The following WDPCP variants were observed in gnomAD, a reference collection of about 807,000 sequenced individuals.
The protein encoded by WDPCP is WD repeat-containing and planar cell polarity effector protein fritz homolog.
WDPCP carries 71 observed loss-of-function variants against 93.1 expected under a neutral mutation model. The observed-to-expected ratio is 0.76, with a 90% confidence interval of 0.63 to 0.93. WDPCP has a LOEUF of 0.93. WDPCP is among the 40% of genes least tolerant of loss of function. WDPCP has a pLI of 0.00. For synonymous variants in WDPCP, 315 were observed against 315.0 expected (o/e 1.00, Z 0.00); for missense variants, 844 against 887.4 (o/e 0.95, Z 0.62).
upstream of WDPCP, among the ~76,000 whole-genome samples, chr2:63,831,808 C>T (rs1671206458): frequency 6.6e-6 from 1 of 152,046 alleles, no homozygotes; most frequent in African/African-American, 2.4e-5. Context: ...AGGAAAAGCA[C>T]ATCTCTAAGT....
intron 3 of WDPCP, chr2:63,605,180 C>A: frequency 1.3e-6 from 1 of 777,454 alleles, no homozygotes; most frequent in Non-Finnish European, 2.1e-6. Flanking sequence ...AAACATTAAG[C>A]TCTGGTCATA....
At chr2:63,396,898 A>G (rs1693772401) in intron 10 of WDPCP, among the ~76,000 whole-genome samples, 1 of 152,212 alleles carries the variant, frequency 6.6e-6, no homozygotes. Context: ...TCCCACTTAT[A>G]AGTAAGAACA....
chr2:63,340,657 G>A (rs145794782), intron 12 of WDPCP, among the ~76,000 whole-genome samples: 342 of 152,236 alleles, frequency 2.2e-3, no homozygotes, highest in Non-Finnish European at 3.5e-3. Flanking sequence ...GGCAGAATAG[G>A]AGTAAGGGGT....
At chr2:63,341,763 T>C (rs747672893) in intron 12 of WDPCP, among the ~76,000 whole-genome samples, 13 of 152,246 alleles carry the variant, frequency 8.5e-5, no homozygotes, top group Admixed American at 4.6e-4. Context: ...TGATGCATTT[T>C]CTCTTTCATC....
At chr2:63,626,433 T>G (rs998320811) in intron 3 of WDPCP, among the ~76,000 whole-genome samples, 1 of 152,202 alleles carries the variant, frequency 6.6e-6, no homozygotes, top group African/African-American at 2.4e-5. Context: ...ATTTGCAATC[T>G]ATCTATCTGA....
chr2:63,567,858 T>C (rs72806032), intron 1 of WDPCP, among the ~76,000 whole-genome samples: 32 of 152,338 alleles, frequency 2.1e-4, no homozygotes, highest in Non-Finnish European at 3.8e-4. Context: ...AGGCATCCAG[T>C]AGATATTAAA....
At chr2:63,788,428 C>T (rs999732416) in intron 2 of WDPCP, among the ~76,000 whole-genome samples, 2 of 152,162 alleles carry the variant, frequency 1.3e-5, no homozygotes, top group African/African-American at 4.8e-5. Context: ...ACATATGGTT[C>T]AGTACTTACA....
At chr2:63,293,455 T>A (rs1275144279) in intron 13 of WDPCP, among the ~76,000 whole-genome samples, 1 of 152,110 alleles carries the variant, frequency 6.6e-6, no homozygotes, top group African/African-American at 2.4e-5. Flanking sequence ...TAGATTCCAA[T>A]GTCCAGTTTT....
At chr2:63,420,577 T>C (rs970543276) in intron 9 of WDPCP, among the ~76,000 whole-genome samples, 14 of 151,706 alleles carry the variant, frequency 9.2e-5, no homozygotes, top group African/African-American at 3.4e-4. Context: ...TAGATAAAGT[T>C]AAGGCCTGCC....
chr2:63,180,227 C>T (rs1390698505), intron 14 of WDPCP, among the ~76,000 whole-genome samples: 2 of 152,066 alleles, frequency 1.3e-5, no homozygotes, highest in Non-Finnish European at 2.9e-5. Flanking sequence ...TTAAGGGGTA[C>T]AAGTGCAGTT....
At chr2:63,691,651 G>C (rs1668889344) in intron 2 of WDPCP, among the ~76,000 whole-genome samples, 1 of 152,032 alleles carries the variant, frequency 6.6e-6, no homozygotes, top group East Asian at 1.9e-4. Context: ...AAGAAAAAAA[G>C]AAAAAGAAGT....
Position 63,486,566 on chromosome 2 carries a change from C to T in WDPCP, c.229G>A (p.Glu77Lys), listed in dbSNP as rs1448313453. The T allele has an allele frequency of 1.3e-6, 2 of 1,577,382 alleles. No homozygotes were observed. Among genetic ancestry groups the T allele is most frequent in the South Asian group, 2.3e-5 (2 of 86,868 alleles). ...DPPATEHGNL[E>K]KKQKLAESRD... is the part of the protein sequence containing the mutation. ...CACTCTGCCAGCTTCTGCTTCTTTT[C>T]TAAGTTACCATGCTCTGTCGCTGAT... Residue 77 changes from glutamate (E) to lysine (K), a missense_variant, in exon 4 of 18, where the codon GAA becomes AAA. Physicochemically the swap from Glu to Lys is moderately conservative, Grantham distance 56 (BLOSUM62 1). Coordinates refer to ENST00000272321, the MANE Select transcript of WDPCP (RefSeq NM_015910.7).
intron 1 of WDPCP, among the ~76,000 whole-genome samples, 200 bp downstream of exon 1, chr2:63,587,997 G>T (rs570420707): frequency 7.2e-5 from 11 of 152,342 alleles, no homozygotes; most frequent in African/African-American, 1.9e-4. Flanking sequence ...CTCCATTTGG[G>T]GTCGGGGGTG....
At chr2:63,595,572 A>G in intron 3 of WDPCP, 1 of 1,192,108 alleles carries the variant, frequency 8.4e-7, no homozygotes, top group Non-Finnish European at 1.2e-6. Flanking sequence ...CTTACAAAAT[A>G]CAGGTTTTAG....
intron 2 of WDPCP, among the ~76,000 whole-genome samples, chr2:63,675,195 C>T (rs547209985): frequency 6.6e-5 from 10 of 152,272 alleles, no homozygotes; most frequent in South Asian, 2.1e-4. Flanking sequence ...TGCCAAGCCC[C>T]TCTTAGGCCC....
chr2:63,403,396 C>G (rs1329642589), intron 10 of WDPCP, among the ~76,000 whole-genome samples: 2 of 150,890 alleles, frequency 1.3e-5, no homozygotes, highest in Non-Finnish European at 2.9e-5. Flanking sequence ...ATATAACAAA[C>G]CTGCATGTGT....
chr2:63,836,057 G>A, the WDPCP span, among the ~76,000 whole-genome samples: 5 of 152,136 alleles, frequency 3.3e-5, no homozygotes, highest in Non-Finnish European at 4.4e-5. Flanking sequence ...GTTTAATCAC[G>A]TTGGCCAGGC....
At chr2:63,423,424 G>T (rs1293769910) in intron 9 of WDPCP, among the ~76,000 whole-genome samples, 3 of 152,144 alleles carry the variant, frequency 2.0e-5, no homozygotes, top group Non-Finnish European at 4.4e-5. Flanking sequence ...ATAAGTTACT[G>T]CTCTTGAAAA....
At chr2:63,197,245 C>A (rs1473865974) in intron 14 of WDPCP, among the ~76,000 whole-genome samples, 3 of 151,950 alleles carry the variant, frequency 2.0e-5, no homozygotes, top group African/African-American at 7.2e-5. Context: ...ATGTATTTTC[C>A]CTTCCTTATG....
Sources: gnomAD v4.1 joint callset for allele counts (sites outside exome capture counted in the v4.1 genomes callset) on GRCh38, gnomAD v4.1.1 for gene constraint, MANE v1.5 for transcripts, NCBI Gene and HGNC (gene_info 2026-07-23, HGNC 2026-07-21) for gene names.